SNX7: variants seen among roughly 807,000 people sequenced by gnomAD.
SNX7 encodes sorting nexin-7.
A neutral mutation model predicts 48.4 loss-of-function variants in SNX7; 35 were observed. The ratio of observed to expected loss-of-function variants is 0.72; its 90% CI spans 0.55 to 0.96. The LOEUF (loss-of-function observed/expected upper bound fraction) is 0.96, where lower values mean the gene tolerates loss of function less well. Ranked by LOEUF, SNX7 falls within the 40% of genes least tolerant of loss-of-function variation. The pLI is 0.00. For synonymous variants in SNX7, 190 were observed against 190.2 expected (o/e 1.00, Z 0.01); for missense variants, 553 against 548.9 (o/e 1.01, Z -0.07).
chr1:98,685,141 A>G (rs1432528379), intron 2 of SNX7, 74 bp downstream of exon 2: 4 of 926,604 alleles, frequency 4.3e-6, no homozygotes, highest in Non-Finnish European at 6.0e-6. Context: ...CCTCTTGTTC[A>G]TTATAATTCT....
chr1:98,746,474 CCTTT>C (rs1654313377), intron 8 of SNX7, among the ~76,000 whole-genome samples: 1 of 152,078 alleles, frequency 6.6e-6, no homozygotes. Context: ...AACCTAGTCA[CCTTT>C]CTTTATCCTC....
chr1:98,712,382 T>C (rs559070876), intron 7 of SNX7, among the ~76,000 whole-genome samples: 13 of 152,346 alleles, frequency 8.5e-5, no homozygotes, highest in Admixed American at 5.9e-4. Context: ...CATTGACTCA[T>C]GGACTATGGA....
At chr1:98,736,179 A>G (rs916792175) in intron 7 of SNX7, among the ~76,000 whole-genome samples, 1 of 152,228 alleles carries the variant, frequency 6.6e-6, no homozygotes, top group Non-Finnish European at 1.5e-5. Context: ...CTGAAAGCCG[A>G]TATCAGTAGA....
At chr1:98,681,115 GAGGAGTAAGTCAC>G (rs1322911442) in intron 1 of SNX7, among the ~76,000 whole-genome samples, 14 of 152,206 alleles carry the variant, frequency 9.2e-5, no homozygotes, top group African/African-American at 3.4e-4. Context: ...GAAAAGCAAG[GAGGAGTAAGTCAC>G]ATCTTACATG....
Position 98,695,415 on chromosome 1 carries a change from C to T in SNX7, c.640-103C>T, listed in dbSNP as rs1570529908. 5 of 1,116,820 alleles carry T rather than the reference C, an allele frequency of 4.5e-6. No individual in the cohort carries two copies. The East Asian group carries it at 9.6e-5, about 21-fold the overall frequency. 69.2% of individuals were successfully genotyped at this position (1,116,820 alleles called of 1,614,324 possible). On this transcript the variant is annotated intron_variant, in intron 4 of 8. Transcript: ENST00000306121. ...TTAAAAAAGATTGATGCCTATGAAA[C>T]CATTTTATCTTGATTTTATTCTCCT... is the stretch of plus-strand genomic sequence containing the variant.
chr1:98,706,491 A>G (rs914334361), intron 7 of SNX7, among the ~76,000 whole-genome samples: 3 of 152,282 alleles, frequency 2.0e-5, no homozygotes, highest in Non-Finnish European at 2.9e-5. Flanking sequence ...GGGTTAGACC[A>G]TATAGAGCTT....
chr1:98,699,246 A>G (rs1456094348), intron 6 of SNX7, among the ~76,000 whole-genome samples: 2 of 152,160 alleles, frequency 1.3e-5, no homozygotes, highest in East Asian at 3.8e-4. Flanking sequence ...GGGATTTTGA[A>G]AGAACTGCTC....
At chr1:98,711,887 A>G (rs1235311085) in intron 7 of SNX7, among the ~76,000 whole-genome samples, 3 of 152,228 alleles carry the variant, frequency 2.0e-5, no homozygotes, top group Admixed American at 6.5e-5. Flanking sequence ...CCACTGCTGT[A>G]TCAACTAAGT....
Position 98,676,133 on chromosome 1 carries a change from C to T in SNX7, c.181-8752C>T, listed in dbSNP as rs1485658351. On this transcript the variant is annotated intron_variant, in intron 1 of 8. Coordinates refer to ENST00000306121, the MANE Select transcript of SNX7 (RefSeq NM_015976.5). ...ATTCCCTCTCTCCCTCCCTGCCCATCCCCCCAGTCATACACATACACACAC... is the reference window on the plus strand; with the variant it reads ...ATTCCCTCTCTCCCTCCCTGCCCATTCCCCCAGTCATACACATACACACAC... Among the ~76,000 whole-genome samples, 68 of 151,748 alleles carry T rather than the reference C, an allele frequency of 4.5e-4. 1 individual carries two copies. Among genetic ancestry groups the T allele is most frequent in the Admixed American group, 4.4e-3 (67 of 15,236 alleles).
chr1:98,664,905 A>G (rs4908104), intron 1 of SNX7, among the ~76,000 whole-genome samples: 36,109 of 152,130 alleles, frequency 0.24, 4,404 homozygotes, highest in East Asian at 0.33. Flanking sequence ...ACAAATGGTA[A>G]CAAGAGCCTA....
intron 7 of SNX7, among the ~76,000 whole-genome samples, chr1:98,733,509 T>C (rs1653622920): frequency 6.6e-6 from 1 of 152,146 alleles, no homozygotes; most frequent in Non-Finnish European, 1.5e-5. Context: ...TCCTTTTCCT[T>C]AGCTCTTCAC....
chr1:98,665,457 A>G (rs1557782562), intron 1 of SNX7, among the ~76,000 whole-genome samples: 1 of 152,242 alleles, frequency 6.6e-6, no homozygotes, highest in East Asian at 1.9e-4. Context: ...AAACATGATC[A>G]ATAGAAGCTA....
At chr1:98,752,526 A>G (rs972770978) in intron 8 of SNX7, among the ~76,000 whole-genome samples, 2 of 152,046 alleles carry the variant, frequency 1.3e-5, no homozygotes, top group African/African-American at 4.8e-5. Flanking sequence ...TTGGTCAGCA[A>G]CATGAATGGG....
At chr1:98,700,760 T>C (rs934432723) in intron 6 of SNX7, among the ~76,000 whole-genome samples, 1 of 152,136 alleles carries the variant, frequency 6.6e-6, no homozygotes, top group Non-Finnish European at 1.5e-5. Context: ...AAAACTGTAC[T>C]AAGTGATTCT....
At chr1:98,701,082 C>T (rs988462294) in intron 6 of SNX7, among the ~76,000 whole-genome samples, 3 of 152,034 alleles carry the variant, frequency 2.0e-5, no homozygotes, top group African/African-American at 4.8e-5. Flanking sequence ...TTACATGTCT[C>T]GGAAGAAATG....
At chr1:98,698,979 T>C in intron 6 of SNX7, 74 bp downstream of exon 6, 2 of 1,433,490 alleles carry the variant, frequency 1.4e-6, no homozygotes, top group Non-Finnish European at 1.9e-6. Context: ...ACTGTATTTC[T>C]TTTCTTTAAA....
At chr1:98,677,098 A>G (rs1252992084) in intron 1 of SNX7, among the ~76,000 whole-genome samples, 1 of 152,248 alleles carries the variant, frequency 6.6e-6, no homozygotes, top group Non-Finnish European at 1.5e-5. Flanking sequence ...AAGAAAAAGT[A>G]TAGAGTTGGA....
chr1:98,703,590 C>T (rs1165119383), intron 7 of SNX7, among the ~76,000 whole-genome samples: 1 of 151,852 alleles, frequency 6.6e-6, no homozygotes, highest in South Asian at 2.1e-4. Context: ...TTAGAGAGAA[C>T]CCCAGATTAA....
At chr1:98,722,147 G>A (rs568851347) in intron 7 of SNX7, among the ~76,000 whole-genome samples, 1 of 152,126 alleles carries the variant, frequency 6.6e-6, no homozygotes, top group African/African-American at 2.4e-5. Context: ...TACATTTGTG[G>A]GTGTTTTATG....
Sources: allele counts gnomAD v4.1 joint callset (sites outside exome capture counted in the v4.1 genomes callset), GRCh38; gene constraint gnomAD v4.1.1; transcripts MANE v1.5; gene names NCBI Gene and HGNC (gene_info 2026-07-23, HGNC 2026-07-21).